The following ZNF28 variants were observed in gnomAD, a reference collection of about 807,000 sequenced individuals.
ZNF28 encodes zinc finger protein KOX24.
Under a neutral mutation model 7.2 loss-of-function variants are expected in ZNF28, and 5 were observed. That is an observed-to-expected ratio of 0.70 (90% CI 0.36 to 1.46). The LOEUF is 1.46. Ranked by LOEUF, ZNF28 falls within the 40% of genes most tolerant of loss-of-function variation. The pLI, the probability that ZNF28 is intolerant of heterozygous loss-of-function variation, is 0.03. For missense variants in ZNF28, 879 were observed against 866.6 expected (o/e 1.01, Z -0.18); for synonymous variants, 288 against 292.4 (o/e 0.99, Z 0.15).
In ZNF28 at chr19:52,801,282, A is replaced by C. The variant is rs772200839; in HGVS notation, c.563T>G (p.Ile188Ser). Residue 188 changes from isoleucine (I) to serine (S), a missense_variant, in exon 4 of 4, where the codon ATT becomes AGT. Physicochemically the swap from Ile to Ser is moderately radical, Grantham distance 142. Coordinates refer to ENST00000457749, the MANE Select transcript of ZNF28 (RefSeq NM_006969.5). ...QRICCRPKTH[I>S]SNKYGNNSLH... ...GGAATTATTTCCATACTTATTAGAA[A>C]TATGGGTTTTGGGCCTACAACAAAT... 6.2e-7 allele frequency: 1 copy of C among 1,614,114 alleles called. No homozygotes were observed. Among genetic ancestry groups the C allele is most frequent in the South Asian group, 1.1e-5 (1 of 91,080 alleles).
At chr19:52,817,258 G>C (rs538453361) in intron 2 of ZNF28, among the ~76,000 whole-genome samples, 1 of 152,072 alleles carries the variant, frequency 6.6e-6, no homozygotes, top group East Asian at 1.9e-4. Flanking sequence ...TGTAATGCCA[G>C]CTACTCGGGA....
intron 3 of ZNF28, among the ~76,000 whole-genome samples, chr19:52,804,414 G>A (rs897412530): frequency 2.0e-5 from 3 of 152,024 alleles, no homozygotes; most frequent in Non-Finnish European, 4.4e-5. Context: ...TCTGTCTCCC[G>A]GTCTGGAGTA....
In ZNF28 at chr19:52,801,186, C is replaced by T. The variant is rs369126914; in HGVS notation, c.659G>A (p.Ser220Asn). 6.2e-7 allele frequency: 1 copy of T among 1,614,150 alleles called. No homozygotes were observed. Residue 220 changes from serine (S) to asparagine (N), a missense_variant, in exon 4 of 4, where the codon AGT becomes AAT. Coordinates refer to ENST00000457749, the MANE Select transcript of ZNF28 (RefSeq NM_006969.5). Reference sequence around the variant, plus strand: ...TGAGCTACAATTAAAGGATTTGCCACTCTCAATACATTGGAAAGATTTTTC... The same window carrying T: ...TGAGCTACAATTAAAGGATTTGCCATTCTCAATACATTGGAAAGATTTTTC... ...MREKSFQCIE[S>N]GKSFNCSSLL...
rs139795370 is a variant in ZNF28, at chr19:52,814,760, G to A, written c.15+3184C>T. Among the ~76,000 whole-genome samples the A allele has an allele frequency of 1.1e-3, 159 of 146,030 alleles. 19 individuals carry two copies. The highest frequency in any genetic ancestry group is 4.2e-3 in the African/African-American group (156 of 37,500). On this transcript the variant is annotated intron_variant, in intron 2 of 3. Coordinates refer to ENST00000457749, the MANE Select transcript of ZNF28 (RefSeq NM_006969.5). ...AAATTATCTGGACATGGTGGCACTCGCTTGTATTCCCAGTTACTCAGGAGC... is the reference window on the plus strand; with the variant it reads ...AAATTATCTGGACATGGTGGCACTCACTTGTATTCCCAGTTACTCAGGAGC...
chr19:52,805,056 C>G (rs1270780877), intron 3 of ZNF28: 1 of 151,918 alleles, frequency 6.6e-6, no homozygotes, highest in African/African-American at 2.4e-5. Flanking sequence ...ATCACAAGGT[C>G]AGGAGATTGA....
intron 1 of ZNF28, among the ~76,000 whole-genome samples, chr19:52,819,388 C>A (rs901014009): frequency 8.3e-6 from 1 of 120,274 alleles, no homozygotes; most frequent in East Asian, 2.1e-4. Flanking sequence ...CTCTTTCTTC[C>A]ATTCTATTGC....
At position 52,800,638 on chromosome 19, in the gene ZNF28, T is replaced by C; in HGVS notation, c.1207A>G (p.Arg403Gly). 1 of 1,613,438 alleles carries C rather than the reference T, an allele frequency of 6.2e-7. No individual in the cohort carries two copies. The highest frequency in any genetic ancestry group is 8.5e-7 in the Non-Finnish European group (1 of 1,179,722). ...TATGGTTTCTCTCCAGTATGAATCC[T>C]CTTATGTCTTTCAAGATGTGATTTG... Reference protein sequence around the residue: ...SRKSHLERHKRIHTGEKPYKC... With the variant: ...SRKSHLERHKGIHTGEKPYKC... The change falls in exon 4 of 4, where the codon AGG becomes GGG. Residue 403 changes from arginine (R) to glycine (G), a missense_variant. Physicochemically the swap from Arg to Gly is moderately radical, Grantham distance 125. This residue lies in a region of ZNF28 where 864 missense variants were observed against 830.2 expected (regional missense o/e 1.04). Transcript: ENST00000457749.
chr19:52,820,228 C>T lies in ZNF28; in HGVS notation c.-74+1358G>A, dbSNP rs1389898234. Among the ~76,000 whole-genome samples, 15 of 136,470 alleles carry T rather than the reference C, an allele frequency of 1.1e-4. 2 individuals carry two copies. The highest frequency in any genetic ancestry group is 1.7e-4 in the Non-Finnish European group (11 of 65,526). 89.5% of individuals were successfully genotyped at this position (136,470 alleles called of 152,430 possible). A position where few individuals can be genotyped will look rare whatever the true frequency, so the allele number is the denominator to read the frequency against. On this transcript the variant is annotated intron_variant, in intron 1 of 3. Coordinates refer to ENST00000457749, the MANE Select transcript of ZNF28 (RefSeq NM_006969.5). ...TGCTTCCCGGGTTCACGCCATTCTC[C>T]TGCCTCAGCCTCCCGAGTAGCTGGG...
chr19:52,815,844 C>T (rs114545422), intron 2 of ZNF28, among the ~76,000 whole-genome samples: 3,174 of 146,642 alleles, frequency 0.022, 588 homozygotes, highest in African/African-American at 0.08. Context: ...AAATAACTAT[C>T]GTGTACTGGC....
At position 52,798,984 on chromosome 19, in the gene ZNF28, C is replaced by A; in HGVS notation, c.*704G>T. On this transcript the variant is annotated 3_prime_UTR_variant, in exon 4 of 4. Coordinates refer to ENST00000457749, the MANE Select transcript of ZNF28 (RefSeq NM_006969.5). Reference sequence around the variant, plus strand: ...CTAGTATGGTGTGCCAGGTGTGAATCACTCCCAAAAGCCTTGTTACAAACC... The same window carrying A: ...CTAGTATGGTGTGCCAGGTGTGAATAACTCCCAAAAGCCTTGTTACAAACC... 9.3e-7 allele frequency: 1 copy of A among 1,079,034 alleles called. No homozygotes were observed. Among genetic ancestry groups the A allele is most frequent in the Non-Finnish European group, 1.3e-6 (1 of 763,516 alleles). 66.8% of individuals were successfully genotyped at this position (1,079,034 alleles called of 1,614,324 possible). A position where few individuals can be genotyped will look rare whatever the true frequency, so the allele number is the denominator to read the frequency against.
chr19:52,799,937 C>A lies in ZNF28; in HGVS notation c.1908G>T (p.Lys636Asn). Residue 636 changes from lysine to asparagine, a missense_variant, in exon 4 of 4, where the codon AAG becomes AAT. By Grantham distance (94) the Lys-to-Asn change is moderately conservative (BLOSUM62 0). Around this residue, in one of 2 missense-constraint regions of ZNF28, gnomAD observed 864 missense variants for 830.2 expected, o/e 1.04. Coordinates refer to ENST00000457749, the MANE Select transcript of ZNF28 (RefSeq NM_006969.5). ...TGAAGGTCTTGCCACACTCATTACA[C>A]TTGTAAGGTTTCTCTCCAGTATGAA... ...RRLHTGEKPY[K>N]CNECGKTFSQ... 1.2e-6 allele frequency: 2 copies of A among 1,613,860 alleles called. No individual in the cohort carries two copies. Among genetic ancestry groups the A allele is most frequent in the South Asian group, 1.1e-5 (1 of 91,060 alleles).
At chr19:52,813,269 A>AAAAAAAAAAAAAAAAAC in intron 2 of ZNF28, among the ~76,000 whole-genome samples, 1 of 149,606 alleles carries the variant, frequency 6.7e-6, no homozygotes, top group Non-Finnish European at 1.5e-5. Flanking sequence ...AAAAAAAAAA[A>AAAAAAAAAAAAAAAAAC]AAGACATACT....
rs1287296730 is a variant in ZNF28 at position 52,801,002 on chromosome 19, A to G, written c.843T>C (p.Gly281=). ...TGTGAAGGAAGAGGGATGTATTGTG[A>G]CCAAAGATCTTGCCACACTCATTAC... ...YKCNECGKIF[G]HNTSLFLHKA... The change falls in exon 4 of 4, where the codon GGT becomes GGC. Residue 281 remains glycine (G), a synonymous_variant. Coordinates refer to ENST00000457749, the MANE Select transcript of ZNF28 (RefSeq NM_006969.5). 6.2e-7 allele frequency: 1 copy of G among 1,614,102 alleles called. No individual in the cohort carries two copies. The highest frequency in any genetic ancestry group is 1.3e-5 in the African/African-American group (1 of 75,012).
At chr19:52,804,020 A>G (rs1259963110) in intron 3 of ZNF28, among the ~76,000 whole-genome samples, 1 of 152,228 alleles carries the variant, frequency 6.6e-6, no homozygotes. Context: ...GGTATTCTCT[A>G]ATAGGATGTT....
At position 52,815,231 on chromosome 19, in the gene ZNF28, T is replaced by C. The variant is rs1197941906; in HGVS notation, c.15+2713A>G. Among the ~76,000 whole-genome samples the C allele has an allele frequency of 2.1e-5, 3 of 144,874 alleles. 1 individual carries two copies. The highest frequency in any genetic ancestry group is 4.4e-5 in the Non-Finnish European group (3 of 67,420). On this transcript the variant is annotated intron_variant, in intron 2 of 3. Transcript: ENST00000457749. Reference sequence around the variant, plus strand: ...GGAGAGGAGCAGAAAAAATAACTATTGGGCCCGGGCACAGTGGCTCACACC... The same window carrying C: ...GGAGAGGAGCAGAAAAAATAACTATCGGGCCCGGGCACAGTGGCTCACACC...
rs192672365 is a variant in ZNF28 at position 52,799,386 on chromosome 19, G to A, written c.*302C>T. On this transcript the variant is annotated 3_prime_UTR_variant, in exon 4 of 4. Coordinates refer to ENST00000457749, the MANE Select transcript of ZNF28 (RefSeq NM_006969.5). ...CTCTTCAGCATGCATTTTCTTATGT[G>A]TTTCAAGGTTTGATTTGCAACCGAA... 3.3e-6 allele frequency: 2 copies of A among 605,856 alleles called. No individual in the cohort carries two copies. The highest frequency in any genetic ancestry group is 1.9e-5 in the African/African-American group (1 of 53,722). 37.5% of individuals were successfully genotyped at this position (605,856 alleles called of 1,614,324 possible).
chr19:52,811,621 G>T (rs1249860244), intron 2 of ZNF28, among the ~76,000 whole-genome samples: 1 of 142,992 alleles, frequency 7.0e-6, no homozygotes, highest in South Asian at 2.2e-4. Context: ...CTGCCCGGCC[G>T]CCCCGTCTGA....
intron 3 of ZNF28, among the ~76,000 whole-genome samples, chr19:52,803,754 C>T (rs1328867935): frequency 2.6e-5 from 4 of 152,054 alleles, no homozygotes; most frequent in Admixed American, 6.6e-5. Context: ...ATCAGGAGTT[C>T]GAGACCAGCC....
chr19:52,809,979 TCTGAGGAACTGGAGC>T, intron 2 of ZNF28: 1 of 780,220 alleles, frequency 1.3e-6, no homozygotes, highest in Non-Finnish European at 2.2e-6. Flanking sequence ...CGGCCTGGAG[TCTGAGGAACTGGAGC>T]CTGAGGAGCT....
Sources: allele counts gnomAD v4.1 joint callset (sites outside exome capture counted in the v4.1 genomes callset), GRCh38; gene constraint gnomAD v4.1.1; regional missense constraint gnomAD v4.1.1; transcripts MANE v1.5; gene names NCBI Gene and HGNC (gene_info 2026-07-23, HGNC 2026-07-21).